VPS52: variants seen among roughly 807,000 people sequenced by gnomAD.
VPS52 encodes the protein VPS52 subunit of GARP complex, also known as vacuolar protein sorting-associated protein 52 homolog.
Under a neutral mutation model 98.7 loss-of-function variants are expected in VPS52, and 56 were observed. That is an observed-to-expected ratio of 0.57 (90% confidence interval 0.46 to 0.71). The LOEUF is 0.71. VPS52 is among the 30% of genes least tolerant of loss of function. The probability of loss-of-function intolerance (pLI) is 0.00; values close to 1 mark genes in which losing one functional copy is unlikely to be tolerated. For synonymous variants in VPS52, 348 were observed against 346.4 expected (o/e 1.00, Z -0.05); for missense variants, 742 against 925.9 (o/e 0.80, Z 2.58).
rs756476292 is a variant in VPS52, at chr6:33,271,652, C to CGCCATGGTCGCAGCG, written c.9_23dup (p.Thr6_Ala10dup). The CGCCATGGTCGCAGCG allele has an allele frequency of 3.1e-6, 5 of 1,610,088 alleles. No homozygotes were observed. The highest frequency in any genetic ancestry group is 1.8e-4 in the Middle Eastern group (1 of 5,572). ...GCAACACCAGTTCCCGGGCCGCAGC[C>CGCCATGGTCGCAGCG]GCCATGGTCGCAGCGGCGGCCATTC... On this transcript the variant is annotated inframe_insertion, in exon 1 of 20. Transcript: ENST00000445902.
At chr6:33,251,712 G>T in intron 18 of VPS52, 76 bp from the exon 19 acceptor site, 1 of 1,416,580 alleles carries the variant, frequency 7.1e-7, no homozygotes, top group Non-Finnish European at 9.9e-7. Flanking sequence ...CCAAGGTATA[G>T]CCATCCTTAT....
Position 33,267,192 on chromosome 6 carries a change from T to C in VPS52, c.1121A>G (p.Gln374Arg). The change falls in exon 11 of 20, where the codon CAG becomes CGG. Residue 374 changes from glutamine to arginine, a missense_variant. Gln to Arg is a conservative substitution (Grantham distance 43). This residue lies in a region of VPS52 where 590 missense variants were observed against 793.3 expected (regional missense o/e 0.74). Transcript: ENST00000445902. The surrounding 1 kb of genome is among the most constrained non-coding windows in gnomAD (Gnocchi z 4.2). Reference sequence around the variant, plus strand: ...GAAGCTTGTTCCTCCTCATACCCTCTGCTCTCCGCGCTGCGCTGTGTGAGG... The same window carrying C: ...GAAGCTTGTTCCTCCTCATACCCTCCGCTCTCCGCGCTGCGCTGTGTGAGG... Reference protein sequence around the residue: ...LVPHTAQRGEQRYPFEALFRS... With the variant: ...LVPHTAQRGERRYPFEALFRS... 6.6e-7 allele frequency: 1 copy of C among 1,512,902 alleles called. No homozygotes were observed. Among genetic ancestry groups the C allele is most frequent in the Non-Finnish European group, 8.8e-7 (1 of 1,131,136 alleles). The allele number at this position is 1,512,902 out of a possible 1,614,324, so 93.7% of individuals were successfully genotyped here.
intron 12 of VPS52, among the ~76,000 whole-genome samples, chr6:33,265,691 C>T (rs923665293): frequency 6.6e-6 from 1 of 151,402 alleles, no homozygotes; most frequent in African/African-American, 2.4e-5. Context: ...TCTATGATCA[C>T]AAGCCTATCA....
In VPS52 at chr6:33,268,194, G is replaced by A. The variant is rs757823370; in HGVS notation, c.714C>T (p.Ile238=). 1.1e-5 allele frequency: 17 copies of A among 1,612,946 alleles called. No homozygotes were observed. Among genetic ancestry groups the A allele is most frequent in the Non-Finnish European group, 1.4e-5 (16 of 1,180,036 alleles). Residue 238 remains isoleucine, a synonymous_variant, in exon 8 of 20, where the codon ATC becomes ATT. Coordinates refer to ENST00000445902, the MANE Select transcript of VPS52 (RefSeq NM_022553.6). This position sits in a 1 kb window ranked among gnomAD's most constrained non-coding sequence, Gnocchi z 4.0. The part of the protein sequence containing the change: ...DRLRVKAVTK[I]REFILQKIYS... Reference sequence around the variant, plus strand: ...AAATCTTCTGGAGGATAAACTCTCGGATCTTCGTCACTGCCTAGATGTGGG... The same window carrying A: ...AAATCTTCTGGAGGATAAACTCTCGAATCTTCGTCACTGCCTAGATGTGGG...
chr6:33,251,606 C>A lies in VPS52; in HGVS notation c.1937G>T (p.Gly646Val), dbSNP rs1262478980. The part of the protein sequence containing the change: ...ARVTQLIRGF[G>V]SSWKSSVESL... Reference sequence around the variant, plus strand: ...TTCCACTGATGATTTCCAGGAACTACCAAAGCCACGGATCAGCTGAGTTAC... The same window carrying A: ...TTCCACTGATGATTTCCAGGAACTAACAAAGCCACGGATCAGCTGAGTTAC... Residue 646 changes from glycine (G) to valine (V), a missense_variant, in exon 19 of 20, where the codon GGT becomes GTT. Transcript: ENST00000445902. 3.7e-6 allele frequency: 6 copies of A among 1,613,858 alleles called. No individual in the cohort carries two copies. The highest frequency in any genetic ancestry group is 5.1e-6 in the Non-Finnish European group (6 of 1,179,956).
Position 33,267,920 on chromosome 6 carries a change from C to T in VPS52, c.878G>A (p.Ser293Asn). ...GCGGTAGTAAGACAGGTAAATCTTG[C>T]TCAGCGTCTCCACATATTCATCCCT... ...EIRDEYVETL[S>N]KIYLSYYRSY... The change falls in exon 9 of 20, where the codon AGC becomes AAC. Residue 293 changes from serine to asparagine, a missense_variant. By Grantham distance (46) the Ser-to-Asn change is conservative. This residue lies in a region of VPS52 where 590 missense variants were observed against 793.3 expected (regional missense o/e 0.74). Transcript: ENST00000445902. The surrounding 1 kb of genome is among the most constrained non-coding windows in gnomAD (Gnocchi z 4.2). The T allele has an allele frequency of 4.3e-6, 7 of 1,613,092 alleles. No individual in the cohort carries two copies. Among genetic ancestry groups the T allele is most frequent in the Non-Finnish European group, 5.9e-6 (7 of 1,180,040 alleles).
intron 2 of VPS52, 57 bp downstream of exon 2, chr6:33,270,142 C>G: frequency 6.2e-7 from 1 of 1,612,372 alleles, no homozygotes; most frequent in South Asian, 1.1e-5. Flanking sequence ...CTTATTCCTT[C>G]CAGCCCCCAT....
At chr6:33,270,615 G>A (rs1161706267) in intron 1 of VPS52, among the ~76,000 whole-genome samples, 2 of 152,052 alleles carry the variant, frequency 1.3e-5, no homozygotes, top group Non-Finnish European at 2.9e-5. Context: ...GGTAACACAG[G>A]GAAACCCGTC....
At chr6:33,271,527 G>C (rs1362124371) in intron 1 of VPS52, 59 bp downstream of exon 1, 118 of 1,556,012 alleles carry the variant, frequency 7.6e-5, no homozygotes, top group Non-Finnish European at 1.0e-4. Flanking sequence ...ACCCAGCTCA[G>C]GTCTTTCTGA....
At chr6:33,259,769 C>CT (rs1763419816) in intron 17 of VPS52, among the ~76,000 whole-genome samples, 1 of 150,340 alleles carries the variant, frequency 6.7e-6, no homozygotes, top group Non-Finnish European at 1.5e-5. Context: ...TCCTTGGTCT[C>CT]TAAAAAAAAA....
chr6:33,252,260 G>A (rs1257284885), intron 17 of VPS52, among the ~76,000 whole-genome samples: 1 of 152,198 alleles, frequency 6.6e-6, no homozygotes, highest in Non-Finnish European at 1.5e-5. Flanking sequence ...AGAACTATCC[G>A]ATACGGATAG....
rs747549358 is a variant in VPS52, at chr6:33,251,536, A to G, written c.2007T>C (p.Asn669=). 1 of 1,612,722 alleles carries G rather than the reference A, an allele frequency of 6.2e-7. No homozygotes were observed. The highest frequency in any genetic ancestry group is 8.5e-7 in the Non-Finnish European group (1 of 1,179,088). ...DVMRSFTNFR[N]GTSIIQGALT... ...AGGTCACCTGAATGATACTGGTGCC[A>G]TTTCTGAAGTTGGTGAAACTCCGCA... The change falls in exon 19 of 20, where the codon AAT becomes AAC. Residue 669 remains asparagine, a synonymous_variant. Coordinates refer to ENST00000445902, the MANE Select transcript of VPS52 (RefSeq NM_022553.6).
At chr6:33,256,265 G>GACACT (rs1210633577) in intron 17 of VPS52, among the ~76,000 whole-genome samples, 31 of 151,416 alleles carry the variant, frequency 2.0e-4, no homozygotes, top group African/African-American at 7.5e-4. Context: ...AGTTTAGTGA[G>GACACT]ACACTACAAA....
chr6:33,258,115 C>T (rs1423875867), intron 17 of VPS52, among the ~76,000 whole-genome samples: 4 of 151,526 alleles, frequency 2.6e-5, no homozygotes, highest in African/African-American at 9.7e-5. Context: ...AGGCTGGACG[C>T]GGTGGCTCAT....
intron 17 of VPS52, among the ~76,000 whole-genome samples, chr6:33,263,167 G>A (rs1039127873): frequency 3.3e-5 from 5 of 150,630 alleles, no homozygotes; most frequent in Non-Finnish European, 7.4e-5. Context: ...AGGGGGCTAA[G>A]GTAGAAGGAT....
rs1253239780 is a variant in VPS52, at chr6:33,269,770, T to C, written c.278A>G (p.Gln93Arg). The C allele has an allele frequency of 6.2e-7, 1 of 1,613,828 alleles. No homozygotes were observed. The highest frequency in any genetic ancestry group is 1.1e-5 in the South Asian group (1 of 91,064). Reference protein sequence around the residue: ...YSKQVELELQQIEQKSIRDYI... With the variant: ...YSKQVELELQRIEQKSIRDYI... ...ATCCCGAATGGATTTCTGTTCAATC[T>C]GCTGTAGCTCCAGCTCAACTTGCTT... Residue 93 changes from glutamine (Q) to arginine (R), a missense_variant, in exon 4 of 20, where the codon CAG becomes CGG. By Grantham distance (43) the Gln-to-Arg change is conservative (BLOSUM62 1). Around this residue, in one of 2 missense-constraint regions of VPS52, gnomAD observed 152 missense variants for 132.6 expected, o/e 1.15. Transcript: ENST00000445902.
At chr6:33,254,416 T>C (rs1046816971) in intron 17 of VPS52, among the ~76,000 whole-genome samples, 1 of 152,250 alleles carries the variant, frequency 6.6e-6, no homozygotes, top group African/African-American at 2.4e-5. Flanking sequence ...ATCTTTGTGA[T>C]GTGATTTTGG....
chr6:33,253,555 T>C (rs1333634853), intron 17 of VPS52, among the ~76,000 whole-genome samples: 1 of 151,346 alleles, frequency 6.6e-6, no homozygotes, highest in Non-Finnish European at 1.5e-5. Context: ...TTATTTTAGA[T>C]AAGATAATTT....
intron 5 of VPS52, 83 bp from the exon 6 acceptor site, chr6:33,269,272 C>T (rs1764707235): frequency 6.4e-7 from 1 of 1,553,818 alleles, no homozygotes; most frequent in Non-Finnish European, 8.8e-7. Flanking sequence ...GTGAAGTCTT[C>T]AGTATTTATC....
Sources: allele counts gnomAD v4.1 joint callset (sites outside exome capture counted in the v4.1 genomes callset), GRCh38; gene constraint gnomAD v4.1.1; regional missense constraint gnomAD v4.1.1; non-coding constraint Gnocchi (gnomAD v3.1); transcripts MANE v1.5; gene names NCBI Gene and HGNC (gene_info 2026-07-23, HGNC 2026-07-21).